The following GRM7 variants were observed in gnomAD, a reference collection of about 807,000 sequenced individuals.
The protein encoded by GRM7 is metabotropic glutamate receptor 7.
GRM7 carries 35 observed loss-of-function variants against 84.5 expected under a neutral mutation model. The ratio of observed to expected loss-of-function variants is 0.41; its 90% CI spans 0.32 to 0.55. The LOEUF is 0.55. Among genes scored for constraint, GRM7 ranks in the 20% least tolerant of loss-of-function variants. GRM7 has a pLI of 0.19. For synonymous variants in GRM7, 487 were observed against 455.1 expected, an observed-to-expected ratio of 1.07 and a Z score of -0.89; for missense variants, 1,003 against 1,194.6, an observed-to-expected ratio of 0.84 and a Z score of 2.36.
chr3:7,088,674 A>G (rs915119143), intron 1 of GRM7, among the ~76,000 whole-genome samples: 1 of 45,362 alleles, frequency 2.2e-5, no homozygotes, highest in Non-Finnish European at 3.8e-5. Context: ...CCACAAGGAC[A>G]TTGGAGGTTC....
At chr3:7,697,651 T>C (rs565675157) in intron 9 of GRM7, among the ~76,000 whole-genome samples, 1 of 152,320 alleles carries the variant, frequency 6.6e-6, no homozygotes, top group South Asian at 2.1e-4. Flanking sequence ...TCACCTTATC[T>C]AGCTCAAGCC....
intron 9 of GRM7, among the ~76,000 whole-genome samples, chr3:7,696,315 C>G (rs1701017947): frequency 6.6e-6 from 1 of 152,152 alleles, no homozygotes; most frequent in Admixed American, 6.6e-5. Context: ...TCCCCAATTC[C>G]TTTCACAAGC....
chr3:7,530,149 GT>G (rs1700981181), intron 7 of GRM7, among the ~76,000 whole-genome samples: 1 of 135,520 alleles, frequency 7.4e-6, no homozygotes, highest in Non-Finnish European at 1.5e-5. Flanking sequence ...GTGTCCATGT[GT>G]TCTCATTGTT....
At chr3:7,709,792 C>T (rs1701518644) in intron 9 of GRM7, among the ~76,000 whole-genome samples, 1 of 152,070 alleles carries the variant, frequency 6.6e-6, no homozygotes, top group Admixed American at 6.6e-5. Flanking sequence ...AGAGAATGTG[C>T]CCGATTATTT....
At chr3:7,312,792 G>A (rs1700446990) in intron 4 of GRM7, among the ~76,000 whole-genome samples, 1 of 151,840 alleles carries the variant, frequency 6.6e-6, no homozygotes, top group South Asian at 2.1e-4. Context: ...TGTTAATAGG[G>A]CAACTATATA....
chr3:7,355,607 C>T (rs186982706), intron 4 of GRM7, among the ~76,000 whole-genome samples: 3 of 152,184 alleles, frequency 2.0e-5, no homozygotes, highest in East Asian at 1.9e-4. Flanking sequence ...TTTTACTGAA[C>T]GCATGACTGT....
intron 2 of GRM7, among the ~76,000 whole-genome samples, chr3:7,178,441 A>G (rs764165759): frequency 7.9e-5 from 12 of 152,010 alleles, no homozygotes; most frequent in Non-Finnish European, 1.3e-4. Context: ...AACACTTGGC[A>G]TCCATGTAGA....
chr3:7,321,360 T>A (rs1365698660), intron 4 of GRM7, among the ~76,000 whole-genome samples: 1 of 152,076 alleles, frequency 6.6e-6, no homozygotes, highest in Non-Finnish European at 1.5e-5. Context: ...TGGCATTATA[T>A]GTAAGCAGAG....
chr3:7,254,274 C>T (rs1488346225), intron 2 of GRM7, among the ~76,000 whole-genome samples: 1 of 152,162 alleles, frequency 6.6e-6, no homozygotes, highest in Admixed American at 6.5e-5. Flanking sequence ...AAACAAACTG[C>T]CCCCATTTTC....
At chr3:7,422,235 A>G (rs1696426631) in intron 5 of GRM7, among the ~76,000 whole-genome samples, 5 of 152,120 alleles carry the variant, frequency 3.3e-5, no homozygotes. Flanking sequence ...TGACACAACT[A>G]CTCTGTTCCC....
chr3:6,963,442 T>A (rs1191391988), intron 1 of GRM7, among the ~76,000 whole-genome samples: 2 of 152,160 alleles, frequency 1.3e-5, no homozygotes, highest in African/African-American at 4.8e-5. Context: ...GCTCATGATG[T>A]AAACCAACAC....
chr3:7,408,969 T>C (rs1183117092), intron 4 of GRM7, among the ~76,000 whole-genome samples: 1 of 152,236 alleles, frequency 6.6e-6, no homozygotes, highest in Non-Finnish European at 1.5e-5. Context: ...CGCATTGTTT[T>C]GCTAGTGATT....
chr3:6,960,346 C>T (rs140682109), intron 1 of GRM7, among the ~76,000 whole-genome samples: 194 of 152,258 alleles, frequency 1.3e-3, no homozygotes, highest in African/African-American at 4.5e-3. Flanking sequence ...CACTTTAGCA[C>T]CTTTGAAGCC....
chr3:7,229,759 A>ATTTTTT (rs1200808989), intron 2 of GRM7, among the ~76,000 whole-genome samples: 6 of 30,416 alleles, frequency 2.0e-4, no homozygotes, highest in African/African-American at 7.5e-4. Context: ...ATATATATAT[A>ATTTTTT]TTTTTTTTTT....
At chr3:7,664,292 C>CGTGGA (rs3840234) in intron 8 of GRM7, among the ~76,000 whole-genome samples, 29,819 of 151,770 alleles carry the variant, frequency 0.2, 6,434 homozygotes, top group African/African-American at 0.54. Flanking sequence ...TTGTTGTAAT[C>CGTGGA]GTGGAATAAA....
intron 1 of GRM7, among the ~76,000 whole-genome samples, chr3:6,924,408 A>G (rs1034788565): frequency 5.0e-4 from 76 of 152,168 alleles, no homozygotes; most frequent in Non-Finnish European, 2.2e-4. Context: ...ATAGATGGAG[A>G]ATCTCTTGGG....
At chr3:6,909,120 A>G (rs1006089217) in intron 1 of GRM7, among the ~76,000 whole-genome samples, 2 of 152,162 alleles carry the variant, frequency 1.3e-5, no homozygotes, top group African/African-American at 4.8e-5. Context: ...GAATTATTAA[A>G]TTACCCCTGT....
chr3:6,961,407 G>A (rs1365030033), intron 1 of GRM7, among the ~76,000 whole-genome samples: 2 of 151,956 alleles, frequency 1.3e-5, no homozygotes, highest in African/African-American at 4.8e-5. Flanking sequence ...TGACTTTCCT[G>A]GCAAACCCTC....
rs146577109 is a variant in GRM7 at position 7,146,325 on chromosome 3, G to A, written c.520-127G>A. The stretch of plus-strand genomic sequence containing the variant: ...TTAGGTGGTCTAAAATTACATGGTG[G>A]TGTTTGGCAAAACATGTATCTCCTT... On this transcript the variant is annotated intron_variant, in intron 1 of 9. Coordinates refer to ENST00000357716, the MANE Select transcript of GRM7 (RefSeq NM_000844.4). 1.5e-3 allele frequency: 1,042 copies of A among 711,708 alleles called. 4 individuals are homozygous for A. Among genetic ancestry groups the A allele is most frequent in the Middle Eastern group, 2.8e-3 (7 of 2,492 alleles). The allele number at this position is 711,708 out of a possible 1,614,324, so 44.1% of individuals were successfully genotyped here.
Sources: gnomAD v4.1 joint callset for allele counts (sites outside exome capture counted in the v4.1 genomes callset) on GRCh38, gnomAD v4.1.1 for gene constraint, MANE v1.5 for transcripts, NCBI Gene and HGNC (gene_info 2026-07-23, HGNC 2026-07-21) for gene names.